Variants in NRXN3 observed in about 807,000 individuals in gnomAD.
NRXN3 encodes the protein neurexin III.
Under a neutral mutation model 137.6 loss-of-function variants are expected in NRXN3, and 32 were observed. The observed-to-expected ratio is 0.23, with a 90% confidence interval of 0.18 to 0.31. The LOEUF (loss-of-function observed/expected upper bound fraction) is 0.31. NRXN3 is among the 10% of genes least tolerant of loss of function. NRXN3 has a pLI of 1.00. For synonymous variants in NRXN3, 798 were observed against 784.5 expected, an observed-to-expected ratio of 1.02 and a Z score of -0.29; for missense variants, 1,574 against 2,062.5, an observed-to-expected ratio of 0.76 and a Z score of 4.59.
rs536208216 is a variant in NRXN3, at chr14:78,654,396, T to A, written c.1221+3070T>A. ...AAACAAGGTGATTTTATGTGTAATT[T>A]TCTTCAAATTAGGGACATGGCAAAG... On this transcript the variant is annotated intron_variant, in intron 6 of 20. Transcript: ENST00000335750. Among the ~76,000 whole-genome samples the A allele has an allele frequency of 6.3e-4, 96 of 152,358 alleles. No individual in the cohort carries two copies. In the South Asian group the frequency reaches 0.019, roughly 31 times the overall value.
intron 15 of NRXN3, chr14:79,248,593 A>G (rs1175879090): frequency 2.0e-5 from 3 of 152,056 alleles, no homozygotes; most frequent in African/African-American, 7.2e-5. Flanking sequence ...CCATAACTGC[A>G]TACCTTTCTG....
At chr14:78,412,846 G>A (rs974093251) in intron 4 of NRXN3, among the ~76,000 whole-genome samples, 3 of 152,186 alleles carry the variant, frequency 2.0e-5, no homozygotes, top group African/African-American at 7.2e-5. Flanking sequence ...CTTCAGAGTG[G>A]TGGTGAGGTT....
At chr14:79,037,582 C>T (rs138523073) in intron 15 of NRXN3, among the ~76,000 whole-genome samples, 1 of 152,230 alleles carries the variant, frequency 6.6e-6, no homozygotes, top group Non-Finnish European at 1.5e-5. Flanking sequence ...GGCCTCTACC[C>T]ATCTTAGAGA....
At chr14:78,694,506 A>C (rs1030851376) in intron 6 of NRXN3, among the ~76,000 whole-genome samples, 1 of 151,964 alleles carries the variant, frequency 6.6e-6, no homozygotes, top group African/African-American at 2.4e-5. Context: ...AGATTGTGTC[A>C]TAAGAATTAG....
chr14:78,243,486 T>C lies in NRXN3; in HGVS notation c.393T>C (p.Ser131=). 6.3e-7 allele frequency: 1 copy of C among 1,589,698 alleles called. No individual in the cohort carries two copies. The highest frequency in any genetic ancestry group is 8.5e-7 in the Non-Finnish European group (1 of 1,175,664). Residue 131 remains serine, a synonymous_variant, in exon 2 of 21, where the codon TCT becomes TCC. Transcript: ENST00000335750. This position sits in a 1 kb window ranked among gnomAD's most constrained non-coding sequence, Gnocchi z 4.2. The stretch of plus-strand genomic sequence containing the variant: ...TGATGCTTGATGGCGAGGGCCAGTC[T>C]GGGGAGCTGCAGCCCCAGCGGCCCT... ...TVLMLDGEGQ[S]GELQPQRPYM...
At chr14:79,520,706 A>AACCACAATGAGAT (rs1457923802) in intron 16 of NRXN3, among the ~76,000 whole-genome samples, 1 of 152,200 alleles carries the variant, frequency 6.6e-6, no homozygotes, top group Non-Finnish European at 1.5e-5. Flanking sequence ...TGCAAATCAA[A>AACCACAATGAGAT]ACCACAATGA....
At chr14:79,325,874 A>G (rs922078335) in intron 15 of NRXN3, among the ~76,000 whole-genome samples, 7 of 151,928 alleles carry the variant, frequency 4.6e-5, no homozygotes, top group Admixed American at 3.3e-4. Flanking sequence ...CGTGAGATGC[A>G]GTTTCTCTTT....
chr14:78,836,464 A>G (rs1313199126), intron 10 of NRXN3, among the ~76,000 whole-genome samples: 3 of 152,234 alleles, frequency 2.0e-5, no homozygotes, highest in African/African-American at 7.2e-5. Flanking sequence ...CTCCATGCTC[A>G]GAACATCTGA....
At chr14:78,926,177 GCCTGAAACCACAGCCAGCACCAAACCC>G (rs2099289781) in intron 10 of NRXN3, among the ~76,000 whole-genome samples, 1 of 151,984 alleles carries the variant, frequency 6.6e-6, no homozygotes, top group Non-Finnish European at 1.5e-5. Flanking sequence ...CCCAGTGGAA[GCCTGAAACCACAGCCAGCACCAAACCC>G]TATATACACT....
chr14:79,752,910 G>T (rs896592608), intron 19 of NRXN3, among the ~76,000 whole-genome samples: 2 of 152,088 alleles, frequency 1.3e-5, no homozygotes, highest in Non-Finnish European at 2.9e-5. Flanking sequence ...GTGGGCAAAG[G>T]ATATGAACAG....
intron 15 of NRXN3, among the ~76,000 whole-genome samples, chr14:79,181,191 C>T (rs1044118804): frequency 1.6e-4 from 24 of 152,034 alleles, no homozygotes; most frequent in African/African-American, 5.8e-4. Flanking sequence ...TGAGATTCCA[C>T]TTTGACCTTT....
intron 2 of NRXN3, among the ~76,000 whole-genome samples, chr14:78,273,470 A>G (rs1160539950): frequency 6.6e-6 from 1 of 152,140 alleles, no homozygotes; most frequent in East Asian, 1.9e-4. Flanking sequence ...TCCTCTTGTC[A>G]CACAGAAGGA....
chr14:78,980,432 A>C (rs913488213), intron 14 of NRXN3, among the ~76,000 whole-genome samples: 1 of 152,252 alleles, frequency 6.6e-6, no homozygotes, highest in Admixed American at 6.5e-5. Context: ...GGGCAATAAC[A>C]GAGGGAAAGT....
chr14:79,460,480 G>A (rs1052153213), intron 15 of NRXN3, among the ~76,000 whole-genome samples: 7 of 151,818 alleles, frequency 4.6e-5, no homozygotes, highest in East Asian at 3.9e-4. Flanking sequence ...CTTTGGCATC[G>A]GGCAGAAAAA....
At chr14:78,586,462 A>C (rs753860689) in intron 4 of NRXN3, among the ~76,000 whole-genome samples, 6 of 152,354 alleles carry the variant, frequency 3.9e-5, no homozygotes, top group Non-Finnish European at 7.4e-5. Flanking sequence ...GGATTGGCAT[A>C]AAAATTAAAG....
chr14:78,433,008 G>A (rs1005538899), intron 4 of NRXN3, among the ~76,000 whole-genome samples: 8 of 152,196 alleles, frequency 5.3e-5, no homozygotes, highest in African/African-American at 1.7e-4. Flanking sequence ...TCACGGTTCT[G>A]TAGGTCAGAA....
chr14:79,811,585 T>C (rs35312712), intron 20 of NRXN3, among the ~76,000 whole-genome samples: 1 of 138,550 alleles, frequency 7.2e-6, no homozygotes, highest in Non-Finnish European at 1.5e-5. Context: ...TTTTTTCTTT[T>C]TTTTTTTTTT....
At chr14:78,815,240 A>G (rs1221158363) in intron 10 of NRXN3, among the ~76,000 whole-genome samples, 1 of 152,180 alleles carries the variant, frequency 6.6e-6, no homozygotes, top group African/African-American at 2.4e-5. Flanking sequence ...ACAAAAATAT[A>G]TTGACCTTAA....
At chr14:79,710,044 G>GTT (rs2098797228) in intron 19 of NRXN3, among the ~76,000 whole-genome samples, 1 of 152,036 alleles carries the variant, frequency 6.6e-6, no homozygotes, top group Non-Finnish European at 1.5e-5. Context: ...TGGGGTTTTT[G>GTT]TTATGATTGT....
Sources: gnomAD v4.1 joint callset for allele counts (sites outside exome capture counted in the v4.1 genomes callset) on GRCh38, gnomAD v4.1.1 for gene constraint, Gnocchi (gnomAD v3.1) non-coding constraint, MANE v1.5 for transcripts, NCBI Gene and HGNC (gene_info 2026-07-23, HGNC 2026-07-21) for gene names.